Variants in SGSM2 observed in about 807,000 individuals in gnomAD.
SGSM2 encodes the protein small G protein signaling modulator 2, also known as RUN and TBC1 domain containing 1.
SGSM2 carries 89 observed loss-of-function variants against 126.6 expected under a neutral mutation model. That is an observed-to-expected ratio of 0.70 (90% CI 0.59 to 0.84). The LOEUF (loss-of-function observed/expected upper bound fraction) is 0.84. Ranked by LOEUF, SGSM2 falls within the 40% of genes least tolerant of loss-of-function variation. The pLI, the probability that SGSM2 is intolerant of heterozygous loss-of-function variation, is 0.00. For missense variants in SGSM2, 1,404 were observed against 1,416.6 expected, an observed-to-expected ratio of 0.99 and a Z score of 0.14; for synonymous variants, 614 against 574.3, an observed-to-expected ratio of 1.07 and a Z score of -0.99.
chr17:2,375,760 C>T lies in SGSM2; in HGVS notation c.2369C>T (p.Pro790Leu). 6.2e-7 allele frequency: 1 copy of T among 1,601,946 alleles called. No individual in the cohort carries two copies. Among genetic ancestry groups the T allele is most frequent in the Non-Finnish European group, 8.5e-7 (1 of 1,172,760 alleles). ...GGTGGGGAGGAAGGCTCCAGTGGGCCCGGCCCTGCAGCTCACACTTTGAGG... is the reference window on the plus strand; with the variant it reads ...GGTGGGGAGGAAGGCTCCAGTGGGCTCGGCCCTGCAGCTCACACTTTGAGG... ...DGGGEEGSSGPGPAAHTLREP... is the reference protein window; with the variant it reads ...DGGGEEGSSGLGPAAHTLREP... Residue 790 changes from proline (P) to leucine (L), a missense_variant, in exon 18 of 24, where the codon CCC becomes CTC. By Grantham distance (98) the Pro-to-Leu change is moderately conservative (BLOSUM62 -3). Transcript: ENST00000268989.
Position 2,363,159 on chromosome 17 carries a change from G to A in SGSM2, c.672+25G>A. 1 of 1,565,562 alleles carries A rather than the reference G, an allele frequency of 6.4e-7. No individual in the cohort carries two copies. The highest frequency in any genetic ancestry group is 8.6e-7 in the Non-Finnish European group (1 of 1,159,108). On this transcript the variant is annotated intron_variant, in intron 6 of 23. Coordinates refer to ENST00000268989, the MANE Select transcript of SGSM2 (RefSeq NM_014853.3). The surrounding 1 kb of genome is among the most constrained non-coding windows in gnomAD (Gnocchi z 4.2). ...GGTAGGTGCCCCCTCCCCACCCTTTGGGCTCATCTGGGCTATGCCCATGGG... is the reference window on the plus strand; with the variant it reads ...GGTAGGTGCCCCCTCCCCACCCTTTAGGCTCATCTGGGCTATGCCCATGGG...
chr17:2,375,731 C>CGGCGGTGGGGAGGAA lies in SGSM2; in HGVS notation c.2344_2358dup (p.Gly782_Gly786dup). The CGGCGGTGGGGAGGAA allele has an allele frequency of 8.1e-6, 13 of 1,608,850 alleles. No individual in the cohort carries two copies. Among genetic ancestry groups the CGGCGGTGGGGAGGAA allele is most frequent in the Non-Finnish European group, 1.1e-5 (13 of 1,176,458 alleles). The stretch of plus-strand genomic sequence containing the variant: ...AGAGCGTGGGCTTCGAAGAGGAGGA[C>CGGCGGTGGGGAGGAA]GGCGGTGGGGAGGAAGGCTCCAGTG... On this transcript the variant is annotated inframe_insertion, in exon 18 of 24. Coordinates refer to ENST00000268989, the MANE Select transcript of SGSM2 (RefSeq NM_014853.3).
intron 2 of SGSM2, among the ~76,000 whole-genome samples, chr17:2,343,877 T>C (rs1349665565): frequency 6.6e-6 from 1 of 152,238 alleles, no homozygotes; most frequent in Non-Finnish European, 1.5e-5. Flanking sequence ...CAGAGTCACC[T>C]GAAGGGCTTG....
At chr17:2,359,943 C>T (rs752641739) in intron 2 of SGSM2, among the ~76,000 whole-genome samples, 32 of 152,306 alleles carry the variant, frequency 2.1e-4, no homozygotes, top group East Asian at 1.2e-3. Flanking sequence ...GACCAAGAGA[C>T]TGGGACAAAA....
At chr17:2,351,188 G>A (rs1341149951) in intron 2 of SGSM2, among the ~76,000 whole-genome samples, 1 of 151,904 alleles carries the variant, frequency 6.6e-6, no homozygotes, top group Non-Finnish European at 1.5e-5. Flanking sequence ...GGCAGGCGGA[G>A]ATTGCAGTAA....
In SGSM2 at chr17:2,372,617, C is replaced by A; in HGVS notation, c.1788+129C>A. ...GCCGATGCCACGGAGTGACCAGGGTCCCGGCAGAATCTCTTGCAGCTGGGC... is the reference window on the plus strand; with the variant it reads ...GCCGATGCCACGGAGTGACCAGGGTACCGGCAGAATCTCTTGCAGCTGGGC... On this transcript the variant is annotated intron_variant, in intron 15 of 23. Transcript: ENST00000268989. The surrounding 1 kb of genome is among the most constrained non-coding windows in gnomAD (Gnocchi z 6.0). 2.3e-6 allele frequency: 3 copies of A among 1,313,986 alleles called. No homozygotes were observed. 81.4% of individuals were successfully genotyped at this position (1,313,986 alleles called of 1,614,324 possible).
At chr17:2,358,383 A>C (rs2447110) in intron 2 of SGSM2, among the ~76,000 whole-genome samples, 1 of 151,800 alleles carries the variant, frequency 6.6e-6, no homozygotes, top group South Asian at 2.1e-4. Flanking sequence ...TGTATGTTTC[A>C]ATTAGTGACA....
Position 2,365,322 on chromosome 17 carries a change from C to A in SGSM2, c.1269C>A (p.Pro423=). The A allele has an allele frequency of 1.3e-6, 2 of 1,568,390 alleles. No homozygotes were observed. The highest frequency in any genetic ancestry group is 4.7e-5 in the East Asian group (2 of 42,206). ...ACTATGTGTTCCGGATCATCTACCC[C>A]GGCCACAGGCACGAGCACAGTGAGT... ...ATDYVFRIIY[P]GHRHEHITIN... Residue 423 remains proline (P), a synonymous_variant, in exon 11 of 24, where the codon CCC becomes CCA. Coordinates refer to ENST00000268989, the MANE Select transcript of SGSM2 (RefSeq NM_014853.3).
Position 2,362,860 on chromosome 17 carries a change from C to T in SGSM2, c.481C>T (p.Leu161=). The T allele has an allele frequency of 6.2e-7, 1 of 1,614,168 alleles. No homozygotes were observed. The highest frequency in any genetic ancestry group is 8.5e-7 in the Non-Finnish European group (1 of 1,180,046). ...NCSKYYEKEA[L]LADPVFGPIL... The stretch of plus-strand genomic sequence containing the variant: ...CAGCAAGTACTACGAGAAGGAGGCA[C>T]TGCTGGCAGACCCTGTGTTCGGCCC... Residue 161 remains leucine, a synonymous_variant, in exon 5 of 24, where the codon CTG becomes TTG. Transcript: ENST00000268989. The surrounding 1 kb of genome is among the most constrained non-coding windows in gnomAD (Gnocchi z 4.9).
chr17:2,377,809 A>C, intron 21 of SGSM2, 48 bp from the exon 22 acceptor site: 1 of 1,255,302 alleles, frequency 8.0e-7, no homozygotes, highest in Non-Finnish European at 1.2e-6. Flanking sequence ...GGCCAGAGGC[A>C]GCATCGGCTC....
chr17:2,377,990 G>A, intron 22 of SGSM2, 37 bp downstream of exon 22: 3 of 1,263,244 alleles, frequency 2.4e-6, no homozygotes, highest in Non-Finnish European at 2.3e-6. Flanking sequence ...TGAGGTCAGG[G>A]ACAGTGAGAG....
intron 1 of SGSM2, among the ~76,000 whole-genome samples, chr17:2,341,371 A>G (rs1485985362): frequency 6.6e-6 from 1 of 152,194 alleles, no homozygotes; most frequent in Non-Finnish European, 1.5e-5. Flanking sequence ...GTGAGCCACC[A>G]TGCCCAGCCG....
At chr17:2,375,409 C>T (rs2066084786) in intron 17 of SGSM2, 83 bp from the exon 18 acceptor site, 1 of 1,501,168 alleles carries the variant, frequency 6.7e-7, no homozygotes, top group South Asian at 1.3e-5. Context: ...TTTTGCATTC[C>T]AGCTCCCTTC....
chr17:2,352,685 C>A (rs2064905958), intron 2 of SGSM2, among the ~76,000 whole-genome samples: 1 of 151,686 alleles, frequency 6.6e-6, no homozygotes, highest in African/African-American at 2.4e-5. Flanking sequence ...AGAGCCAAGG[C>A]AGAATGCAGG....
At chr17:2,369,846 T>G (rs904310442) in intron 12 of SGSM2, among the ~76,000 whole-genome samples, 3 of 151,972 alleles carry the variant, frequency 2.0e-5, no homozygotes, top group Admixed American at 6.5e-5. Context: ...ACCCTCCCCT[T>G]CTTCCCAGAG....
chr17:2,370,959 G>C (rs1319682936), intron 12 of SGSM2, among the ~76,000 whole-genome samples: 3 of 152,244 alleles, frequency 2.0e-5, no homozygotes, highest in African/African-American at 7.2e-5. Context: ...AGAAAAGCAA[G>C]TGCTTGCTGG....
chr17:2,339,329 G>A (rs541667780), intron 1 of SGSM2, among the ~76,000 whole-genome samples: 22 of 152,164 alleles, frequency 1.4e-4, no homozygotes, highest in African/African-American at 4.6e-4. Context: ...CCAGCTACTC[G>A]GGAGGCTGTG....
chr17:2,368,503 A>C (rs999502292), intron 12 of SGSM2, among the ~76,000 whole-genome samples: 1 of 152,172 alleles, frequency 6.6e-6, no homozygotes, highest in Non-Finnish European at 1.5e-5. Flanking sequence ...TAGGCTTCCA[A>C]AGTTCTGCCG....
In SGSM2 at chr17:2,376,949, C is replaced by A; in HGVS notation, c.2693-10C>A. On this transcript the variant is annotated splice_polypyrimidine_tract_variant and intron_variant, in intron 20 of 23. Coordinates refer to ENST00000268989, the MANE Select transcript of SGSM2 (RefSeq NM_014853.3). ...CCTGCCCTGCCAGCTTCACTCCTGT[C>A]TCCCCTCAGATCAGCTGGCCTACAG... is the stretch of plus-strand genomic sequence containing the variant. The A allele has an allele frequency of 6.2e-7, 1 of 1,610,850 alleles. No homozygotes were observed. The highest frequency in any genetic ancestry group is 8.5e-7 in the Non-Finnish European group (1 of 1,177,614).
Sources: allele counts gnomAD v4.1 joint callset (sites outside exome capture counted in the v4.1 genomes callset), GRCh38; gene constraint gnomAD v4.1.1; non-coding constraint Gnocchi (gnomAD v3.1); transcripts MANE v1.5; gene names NCBI Gene and HGNC (gene_info 2026-07-23, HGNC 2026-07-21).